Variants in MAGI1 observed in about 807,000 individuals in gnomAD.
MAGI1 encodes membrane-associated guanylate kinase, WW and PDZ domain-containing protein 1.
MAGI1 carries 58 observed loss-of-function variants against 139.9 expected under a neutral mutation model. The observed-to-expected ratio is 0.41, with a 90% CI of 0.34 to 0.52. The LOEUF is 0.52. MAGI1 is among the 20% of genes least tolerant of loss of function. The pLI, the probability that MAGI1 is intolerant of heterozygous loss-of-function variation, is 0.12. For synonymous variants in MAGI1, 812 were observed against 737.9 expected (o/e 1.10, Z -1.63); for missense variants, 1,874 against 1,901.6 (o/e 0.99, Z 0.27).
intron 1 of MAGI1, among the ~76,000 whole-genome samples, chr3:65,851,601 T>C (rs1467173524): frequency 1.3e-5 from 2 of 151,990 alleles, no homozygotes; most frequent in African/African-American, 4.8e-5. Context: ...ATACAAAAAT[T>C]AGCCAGGCGT....
intron 5 of MAGI1, among the ~76,000 whole-genome samples, chr3:65,458,064 G>C (rs1263461518): frequency 6.6e-6 from 1 of 152,030 alleles, no homozygotes; most frequent in Non-Finnish European, 1.5e-5. Flanking sequence ...GCCTTTCAGT[G>C]CCTGGCTTAT....
At chr3:65,402,798 T>C (rs142454017) in intron 12 of MAGI1, among the ~76,000 whole-genome samples, 20 of 152,158 alleles carry the variant, frequency 1.3e-4, no homozygotes, top group Non-Finnish European at 2.9e-4. Flanking sequence ...ATGATGAGGA[T>C]TACTCGTCGT....
intron 1 of MAGI1, among the ~76,000 whole-genome samples, chr3:65,666,341 A>G (rs2086521424): frequency 6.6e-6 from 1 of 152,228 alleles, no homozygotes. Flanking sequence ...GAGAATGATG[A>G]CAAGACTCAT....
intron 1 of MAGI1, among the ~76,000 whole-genome samples, chr3:65,858,022 T>C (rs1480394653): frequency 2.6e-5 from 4 of 152,034 alleles, no homozygotes; most frequent in African/African-American, 7.3e-5. Context: ...GGTGGGAGGA[T>C]TGCTTGAGCC....
At chr3:65,604,842 A>C (rs1399589118) in intron 2 of MAGI1, among the ~76,000 whole-genome samples, 3 of 152,216 alleles carry the variant, frequency 2.0e-5, no homozygotes, top group Admixed American at 1.3e-4. Context: ...TTCAACAAGA[A>C]GTGAAAATAG....
intron 9 of MAGI1, among the ~76,000 whole-genome samples, chr3:65,438,421 A>G (rs1947999009): frequency 1.3e-5 from 2 of 152,206 alleles, no homozygotes; most frequent in South Asian, 4.1e-4. Flanking sequence ...AATGGGTACA[A>G]TGTATACTAT....
chr3:65,555,354 C>A (rs2080036435), intron 2 of MAGI1, among the ~76,000 whole-genome samples: 1 of 152,138 alleles, frequency 6.6e-6, no homozygotes, highest in Admixed American at 6.5e-5. Context: ...TAAGTCTTAT[C>A]CTGTCCACTA....
intron 2 of MAGI1, among the ~76,000 whole-genome samples, chr3:65,607,812 C>A (rs2082827352): frequency 6.6e-6 from 1 of 152,112 alleles, no homozygotes; most frequent in Non-Finnish European, 1.5e-5. Flanking sequence ...GGTGTTTCGG[C>A]TTACTGCGTA....
At chr3:65,799,837 T>G (rs766455476) in intron 1 of MAGI1, among the ~76,000 whole-genome samples, 1 of 152,220 alleles carries the variant, frequency 6.6e-6, no homozygotes, top group Non-Finnish European at 1.5e-5. Flanking sequence ...TATTGCACAT[T>G]TTCCCCTCAC....
At chr3:65,986,666 T>G (rs1246796819) in intron 1 of MAGI1, among the ~76,000 whole-genome samples, 1 of 152,184 alleles carries the variant, frequency 6.6e-6, no homozygotes, top group Non-Finnish European at 1.5e-5. Flanking sequence ...TGGGTTGTTA[T>G]TCGTGTTTGA....
chr3:65,510,121 CAGAA>C (rs1450663490), intron 2 of MAGI1, among the ~76,000 whole-genome samples: 1 of 152,170 alleles, frequency 6.6e-6, no homozygotes, highest in African/African-American at 2.4e-5. Context: ...AACTAACAAA[CAGAA>C]AGGACACCCA....
At chr3:65,863,229 T>C (rs2059613223) in intron 1 of MAGI1, among the ~76,000 whole-genome samples, 1 of 152,226 alleles carries the variant, frequency 6.6e-6, no homozygotes, top group Non-Finnish European at 1.5e-5. Context: ...CTGGTTACCA[T>C]GTCTTCTGGC....
intron 13 of MAGI1, among the ~76,000 whole-genome samples, chr3:65,396,182 T>A (rs754692676): frequency 3.9e-5 from 6 of 152,172 alleles, no homozygotes; most frequent in Non-Finnish European, 7.4e-5. Flanking sequence ...ACATCTCTAC[T>A]GTGAGTAACT....
chr3:65,758,107 G>A (rs748798177), intron 1 of MAGI1, among the ~76,000 whole-genome samples: 6 of 152,108 alleles, frequency 3.9e-5, no homozygotes, highest in Non-Finnish European at 8.8e-5. Context: ...AACAACACTC[G>A]CTGACTTCAA....
chr3:65,955,785 A>G (rs1269605193), intron 1 of MAGI1, among the ~76,000 whole-genome samples: 8 of 152,132 alleles, frequency 5.3e-5, no homozygotes, highest in African/African-American at 1.7e-4. Context: ...TGCCACCATC[A>G]GTCTCTCAGC....
At chr3:65,690,340 ACT>A (rs2088469435) in intron 1 of MAGI1, among the ~76,000 whole-genome samples, 1 of 152,206 alleles carries the variant, frequency 6.6e-6, no homozygotes, top group African/African-American at 2.4e-5. Context: ...ACACTGTCAC[ACT>A]GTTATTGCTG....
intron 1 of MAGI1, among the ~76,000 whole-genome samples, chr3:65,757,297 A>G (rs564913587): frequency 1.3e-5 from 2 of 152,334 alleles, no homozygotes; most frequent in Admixed American, 6.5e-5. Context: ...ATTTTACAAT[A>G]AACTCCATTG....
intron 1 of MAGI1, among the ~76,000 whole-genome samples, chr3:66,021,023 C>T (rs2067931892): frequency 6.6e-6 from 1 of 152,180 alleles, no homozygotes; most frequent in South Asian, 2.1e-4. Context: ...AGCATCAACC[C>T]AACGTATCAC....
chr3:65,401,410 C>A (rs1209573248), intron 13 of MAGI1, 29 bp downstream of exon 13: 3 of 1,289,844 alleles, frequency 2.3e-6, no homozygotes, highest in Non-Finnish European at 3.2e-6. Context: ...CCAGCCCCAA[C>A]AAGCACCAAG....
Sources: gnomAD v4.1 joint callset for allele counts (sites outside exome capture counted in the v4.1 genomes callset) on GRCh38, gnomAD v4.1.1 for gene constraint, MANE v1.5 for transcripts, NCBI Gene and HGNC (gene_info 2026-07-23, HGNC 2026-07-21) for gene names.